The following OCA2 variants were observed in gnomAD, a reference collection of about 807,000 sequenced individuals.
The protein encoded by OCA2 is OCA2 melanosomal transmembrane protein.
OCA2 carries 77 observed loss-of-function variants against 100.2 expected under a neutral mutation model. The observed-to-expected ratio is 0.77, with a 90% CI of 0.64 to 0.93. OCA2 has a LOEUF of 0.93. Ranked by LOEUF, OCA2 falls within the 40% of genes least tolerant of loss-of-function variation. OCA2 has a pLI of 0.00. For missense variants in OCA2, 1,062 were observed against 1,089.1 expected (o/e 0.98, Z 0.35); for synonymous variants, 432 against 439.2 (o/e 0.98, Z 0.21).
chr15:27,845,362 T>G lies in OCA2; in HGVS notation c.2339-310A>C, dbSNP rs1320864493. ...TGTGTCTTTCAGAGAAAAACACAAG[T>G]GGGGCCAACAACCAAAGCCCAGAAC... On this transcript the variant is annotated intron_variant, in intron 22 of 23. Transcript: ENST00000354638. Among the ~76,000 whole-genome samples, 3 of 152,230 alleles carry G rather than the reference T, an allele frequency of 2.0e-5. No individual in the cohort carries two copies. The South Asian group carries it at 6.2e-4, about 32-fold the overall frequency.
intron 23 of OCA2, among the ~76,000 whole-genome samples, chr15:27,769,807 C>G (rs1371437621): frequency 6.7e-6 from 1 of 150,160 alleles, no homozygotes; most frequent in East Asian, 2.0e-4. Flanking sequence ...CGCCCGGGCA[C>G]GGAGGCTGTC....
At chr15:27,899,983 C>T (rs1030516686) in intron 19 of OCA2, among the ~76,000 whole-genome samples, 2 of 151,986 alleles carry the variant, frequency 1.3e-5, no homozygotes, top group African/African-American at 4.8e-5. Flanking sequence ...TCCTAATATC[C>T]AAGGAAACAC....
intron 23 of OCA2, chr15:27,775,789 C>T (rs1173106255): frequency 6.6e-6 from 1 of 152,388 alleles, no homozygotes; most frequent in Non-Finnish European, 1.5e-5. Context: ...CAATGTTTTC[C>T]TCTGTGAGTG....
chr15:27,908,652 T>A (rs1378397856), intron 19 of OCA2, among the ~76,000 whole-genome samples: 1 of 152,120 alleles, frequency 6.6e-6, no homozygotes, highest in African/African-American at 2.4e-5. Context: ...CAGATCCATG[T>A]GAGGCTTCCT....
At chr15:27,925,245 T>G (rs1018451356) in intron 19 of OCA2, among the ~76,000 whole-genome samples, 1 of 152,098 alleles carries the variant, frequency 6.6e-6, no homozygotes, top group African/African-American at 2.4e-5. Flanking sequence ...AAGACAAATC[T>G]AACACTGATA....
intron 2 of OCA2, among the ~76,000 whole-genome samples, chr15:28,037,298 CAGGTCAGG>C (rs1377690308): frequency 6.6e-6 from 1 of 151,934 alleles, no homozygotes; most frequent in Non-Finnish European, 1.5e-5. Context: ...CCTCTACACC[CAGGTCAGG>C]AGGTCTGTAA....
chr15:27,927,250 T>C (rs561114638), intron 18 of OCA2, among the ~76,000 whole-genome samples: 1 of 152,240 alleles, frequency 6.6e-6, no homozygotes, highest in South Asian at 2.1e-4. Context: ...GATCACGCCA[T>C]TGCACTCCAG....
chr15:27,961,935 C>T (rs1015553112), intron 15 of OCA2, among the ~76,000 whole-genome samples: 1 of 151,404 alleles, frequency 6.6e-6, no homozygotes, highest in African/African-American at 2.4e-5. Context: ...TATCCCAGAA[C>T]TTAAAGTGTA....
At chr15:27,748,944 C>G in the OCA2 span, among the ~76,000 whole-genome samples, 2 of 150,674 alleles carry the variant, frequency 1.3e-5, no homozygotes, top group African/African-American at 5.0e-5. Context: ...AATATGAACA[C>G]AGAGAGAAAA....
intron 8 of OCA2, among the ~76,000 whole-genome samples, chr15:28,015,320 G>A (rs760211248): frequency 5.9e-5 from 9 of 152,292 alleles, no homozygotes; most frequent in South Asian, 2.1e-4. Flanking sequence ...CACTACAGAC[G>A]AGAAGCCTGC....
At chr15:27,903,570 G>A (rs2038050356) in intron 19 of OCA2, among the ~76,000 whole-genome samples, 1 of 152,336 alleles carries the variant, frequency 6.6e-6, no homozygotes, top group East Asian at 1.9e-4. Flanking sequence ...ACCCTGGAAA[G>A]TCCCGGGCTT....
At chr15:27,757,794 G>C (rs541604809) in intron 23 of OCA2, among the ~76,000 whole-genome samples, 10 of 152,326 alleles carry the variant, frequency 6.6e-5, no homozygotes, top group Non-Finnish European at 1.3e-4. Flanking sequence ...CCACAGACCA[G>C]TGCTCCTCAA....
At chr15:27,980,416 C>T (rs1034132452) in intron 14 of OCA2, among the ~76,000 whole-genome samples, 2 of 152,174 alleles carry the variant, frequency 1.3e-5, no homozygotes, top group Non-Finnish European at 2.9e-5. Flanking sequence ...CGTGAGCCAC[C>T]GCGCACGGCC....
chr15:27,896,186 A>C, intron 19 of OCA2: 1 of 902,834 alleles, frequency 1.1e-6, no homozygotes. Context: ...CCCTGAAGAG[A>C]GCTGTAGATA....
At chr15:27,853,620 C>T (rs930367082) in intron 21 of OCA2, among the ~76,000 whole-genome samples, 3 of 151,838 alleles carry the variant, frequency 2.0e-5, no homozygotes, top group African/African-American at 7.3e-5. Context: ...ACAGCATGCC[C>T]CCTTGTGGCT....
chr15:28,013,261 T>C (rs2042292131), intron 9 of OCA2, among the ~76,000 whole-genome samples: 1 of 152,116 alleles, frequency 6.6e-6, no homozygotes, highest in Non-Finnish European at 1.5e-5. Context: ...AACCCAGCAC[T>C]GAATCAGGGT....
intron 21 of OCA2, among the ~76,000 whole-genome samples, chr15:27,870,017 A>T (rs1219978333): frequency 6.6e-6 from 1 of 152,220 alleles, no homozygotes; most frequent in Non-Finnish European, 1.5e-5. Context: ...ACAGCCAAGC[A>T]ACTAGAGGGC....
intron 23 of OCA2, among the ~76,000 whole-genome samples, chr15:27,777,727 A>G (rs2032316966): frequency 6.6e-6 from 1 of 152,208 alleles, no homozygotes; most frequent in Non-Finnish European, 1.5e-5. Context: ...TCTGTAAGCC[A>G]TGAGCTGGCC....
chr15:28,053,221 T>C (rs2141585621), intron 2 of OCA2, among the ~76,000 whole-genome samples: 1 of 151,882 alleles, frequency 6.6e-6, no homozygotes, highest in Non-Finnish European at 1.5e-5. Flanking sequence ...GTACCTTTCC[T>C]TGGCACACAC....
Sources: gnomAD v4.1 joint callset for allele counts (sites outside exome capture counted in the v4.1 genomes callset) on GRCh38, gnomAD v4.1.1 for gene constraint, MANE v1.5 for transcripts, NCBI Gene and HGNC (gene_info 2026-07-23, HGNC 2026-07-21) for gene names.